Variants in CLCN7 observed in about 807,000 individuals in gnomAD.
The protein encoded by CLCN7 is Cl-/H+ antiporter 7.
CLCN7 carries 60 observed loss-of-function variants against 102.1 expected under a neutral mutation model. That is an observed-to-expected ratio of 0.59 (90% CI 0.48 to 0.73). The LOEUF (loss-of-function observed/expected upper bound fraction) is 0.73. CLCN7 is among the 30% of genes least tolerant of loss of function. CLCN7 has a pLI of 0.00. For missense variants in CLCN7, 962 were observed against 1,125.7 expected, an observed-to-expected ratio of 0.85 and a Z score of 2.08; for synonymous variants, 560 against 490.5, an observed-to-expected ratio of 1.14 and a Z score of -1.87.
chr16:1,472,216 CA>C (rs1382414050), intron 1 of CLCN7, among the ~76,000 whole-genome samples: 1 of 152,228 alleles, frequency 6.6e-6, no homozygotes, highest in Non-Finnish European at 1.5e-5. Context: ...AATAAGCTTA[CA>C]ATGACTTTTA....
rs545314491 is a variant in CLCN7 at position 1,445,346 on chromosome 16, G to A, written c.*1285C>T. 1 of 152,510 alleles carries A rather than the reference G, an allele frequency of 6.6e-6. No homozygotes were observed. The highest frequency in any genetic ancestry group is 1.5e-5 in the Non-Finnish European group (1 of 68,116). The allele number at this position is 152,510 out of a possible 1,614,324, so 9.4% of individuals were successfully genotyped here. ...GACGACGCTGGCAAAGGCGGGCTGAGAGGATTTCTTTATTTCGCGTTCAGA... is the reference window on the plus strand; with the variant it reads ...GACGACGCTGGCAAAGGCGGGCTGAAAGGATTTCTTTATTTCGCGTTCAGA... On this transcript the variant is annotated 3_prime_UTR_variant, in exon 25 of 25. Transcript: ENST00000382745.
chr16:1,449,623 TGAG>T (rs1330877228), intron 17 of CLCN7: 5 of 485,278 alleles, frequency 1.0e-5, no homozygotes, highest in African/African-American at 4.8e-5. Flanking sequence ...CCGTCCAGCA[TGAG>T]GAGTGAAACC....
At chr16:1,462,133 C>T (rs940859029) in intron 2 of CLCN7, among the ~76,000 whole-genome samples, 5 of 151,674 alleles carry the variant, frequency 3.3e-5, no homozygotes, top group Admixed American at 3.3e-4. Context: ...CCTACAACCA[C>T]GGATGCAAAG....
At chr16:1,456,339 C>T in intron 9 of CLCN7, 133 bp from the exon 10 acceptor site, 1 of 723,182 alleles carries the variant, frequency 1.4e-6, no homozygotes, top group Non-Finnish European at 2.5e-6. Flanking sequence ...AGCTCTGATT[C>T]CTGAAGAGCA....
chr16:1,453,417 G>A (rs2038785443), intron 14 of CLCN7, among the ~76,000 whole-genome samples: 1 of 152,212 alleles, frequency 6.6e-6, no homozygotes, highest in African/African-American at 2.4e-5. Context: ...TGTGGGAAGT[G>A]GCGCTACCCG....
In CLCN7 at chr16:1,457,842, G is replaced by C. The variant is rs8060503; in HGVS notation, c.676-86C>G. ...GCCGTAAAACAGCACACACAGCCCC[G>C]ATCAGGCAGAGTGGCTGGGACACGG... is the stretch of plus-strand genomic sequence containing the variant. On this transcript the variant is annotated intron_variant, in intron 7 of 24. Coordinates refer to ENST00000382745, the MANE Select transcript of CLCN7 (RefSeq NM_001287.6). This position sits in a 1 kb window ranked among gnomAD's most constrained non-coding sequence, Gnocchi z 5.4. 0.14 allele frequency: 188,574 copies of C among 1,354,852 alleles called. 15,279 individuals are homozygous for C. The highest frequency in any genetic ancestry group is 0.3 in the Admixed American group (17,358 of 58,096). The allele number at this position is 1,354,852 out of a possible 1,614,324, so 83.9% of individuals were successfully genotyped here.
rs373289153 is a variant in CLCN7, at chr16:1,447,818, A to C, written c.2014-104T>G. Reference sequence around the variant, plus strand: ...TGACCCTGTTCCGGCCAGATTTCCCATCTGGGCATGGGCCCCGTGTCGGTG... The same window carrying C: ...TGACCCTGTTCCGGCCAGATTTCCCCTCTGGGCATGGGCCCCGTGTCGGTG... On this transcript the variant is annotated intron_variant, in intron 21 of 24. Coordinates refer to ENST00000382745, the MANE Select transcript of CLCN7 (RefSeq NM_001287.6). 81 of 1,302,552 alleles carry C rather than the reference A, an allele frequency of 6.2e-5. No individual in the cohort carries two copies. The East Asian group carries it at 1.3e-3, about 21-fold the overall frequency. The allele number at this position is 1,302,552 out of a possible 1,614,324, so 80.7% of individuals were successfully genotyped here.
chr16:1,448,541 C>A (rs1312824111), intron 20 of CLCN7, 57 bp from the exon 21 acceptor site: 2 of 1,602,952 alleles, frequency 1.2e-6, no homozygotes, highest in East Asian at 4.5e-5. Context: ...CCCACAGTTA[C>A]CTCTGCGGGC....
chr16:1,472,951 TGA>T (rs2142407412), intron 1 of CLCN7, among the ~76,000 whole-genome samples: 1 of 151,418 alleles, frequency 6.6e-6, no homozygotes, highest in East Asian at 1.9e-4. Flanking sequence ...TTTTTTTTTT[TGA>T]GACAGGGTTT....
intron 1 of CLCN7, chr16:1,474,143 T>C: frequency 2.2e-6 from 1 of 455,738 alleles, no homozygotes. Flanking sequence ...CCCGCAACGG[T>C]TCTCCAGACC....
chr16:1,452,684 TA>T, intron 15 of CLCN7, 70 bp downstream of exon 15: 1 of 1,514,476 alleles, frequency 6.6e-7, no homozygotes. Flanking sequence ...TCCCGTAGCC[TA>T]AGCGAGCCTC....
chr16:1,454,016 A>AG (rs1448675247), intron 13 of CLCN7, 122 bp from the exon 14 acceptor site: 16 of 845,066 alleles, frequency 1.9e-5, no homozygotes, highest in Admixed American at 5.8e-5. Context: ...GCAGGGGGCT[A>AG]GGGGGTCCTG....
intron 6 of CLCN7, among the ~76,000 whole-genome samples, chr16:1,459,571 GTCGGGGCC>G: frequency 1.5e-5 from 1 of 66,136 alleles, no homozygotes; most frequent in Admixed American, 1.5e-4. Flanking sequence ...CAGCACACAT[GTCGGGGCC>G]TCAGGGAAGG....
rs1342066322 is a variant in CLCN7, at chr16:1,450,482, T to TC, written c.1617+14dup. 4 of 1,585,324 alleles carry TC rather than the reference T, an allele frequency of 2.5e-6. No individual in the cohort carries two copies. The highest frequency in any genetic ancestry group is 4.6e-5 in the East Asian group (2 of 43,736). On this transcript the variant is annotated intron_variant, in intron 17 of 24. Transcript: ENST00000382745. ...AGCTGCAGGGCCCCACAGCCTCCCC[T>TC]CCGGCCCCACTCACCGCCGCCCCCG...
chr16:1,460,300 C>G (rs1442391818), intron 6 of CLCN7, 118 bp downstream of exon 6: 1 of 768,588 alleles, frequency 1.3e-6, no homozygotes, highest in East Asian at 2.6e-5. Flanking sequence ...TCTAAAAGTG[C>G]CCGGGTTGTC....
Position 1,455,221 on chromosome 16 carries a change from G to C in CLCN7, c.1011C>G (p.Thr337=). ...GGTAAATGCTCAGAACAAAATTCAG[G>C]GTGAACGTGGAGATCATGGAAGCAA... is the stretch of plus-strand genomic sequence containing the variant. ...IFFASMISTF[T]LNFVLSIYHG... Residue 337 remains threonine (T), a synonymous_variant, in exon 12 of 25, where the codon ACC becomes ACG. Transcript: ENST00000382745. The C allele has an allele frequency of 2.5e-6, 4 of 1,613,372 alleles. No individual in the cohort carries two copies. Among genetic ancestry groups the C allele is most frequent in the Non-Finnish European group, 3.4e-6 (4 of 1,179,484 alleles).
chr16:1,445,620 A>AG lies in CLCN7; in HGVS notation c.*1010dup, dbSNP rs1461713190. Reference sequence around the variant, plus strand: ...GCCTCCCAGGGGCCCTCAGGTGGTGAGGTGGGGGCTTCCCGGCCCCGGTGC... The same window carrying AG: ...GCCTCCCAGGGGCCCTCAGGTGGTGAGGGTGGGGGCTTCCCGGCCCCGGTGC... On this transcript the variant is annotated 3_prime_UTR_variant, in exon 25 of 25. Coordinates refer to ENST00000382745, the MANE Select transcript of CLCN7 (RefSeq NM_001287.6). 4.6e-5 allele frequency: 7 copies of AG among 152,388 alleles called. No homozygotes were observed. The highest frequency in any genetic ancestry group is 3.3e-4 in the Admixed American group (5 of 15,298). The allele number at this position is 152,388 out of a possible 1,614,324, so 9.4% of individuals were successfully genotyped here.
chr16:1,463,711 T>C (rs548061370), intron 2 of CLCN7, among the ~76,000 whole-genome samples: 16 of 151,716 alleles, frequency 1.1e-4, no homozygotes, highest in African/African-American at 3.9e-4. Context: ...CTCCAAATCC[T>C]GGGCTGCAGC....
intron 1 of CLCN7, 148 bp from the exon 2 acceptor site, chr16:1,465,486 G>C: frequency 1.3e-6 from 1 of 749,346 alleles, no homozygotes; most frequent in Non-Finnish European, 2.3e-6. Flanking sequence ...CTGGGTGGGG[G>C]CAGCAGGGCT....
Sources: gnomAD v4.1 joint callset for allele counts (sites outside exome capture counted in the v4.1 genomes callset) on GRCh38, gnomAD v4.1.1 for gene constraint, Gnocchi (gnomAD v3.1) non-coding constraint, MANE v1.5 for transcripts, NCBI Gene and HGNC (gene_info 2026-07-23, HGNC 2026-07-21) for gene names.